The following NAF1 variants were observed in gnomAD, a reference collection of about 807,000 sequenced individuals.
NAF1 encodes nuclear assembly factor 1 ribonucleoprotein.
In NAF1, 11 loss-of-function variants were observed where a neutral mutation model predicts 40.6. The observed-to-expected ratio is 0.27, with a 90% CI of 0.17 to 0.45. The LOEUF is 0.45. Among genes scored for constraint, NAF1 ranks in the 20% least tolerant of loss-of-function variants. The pLI is 1.00. For missense variants in NAF1, 607 were observed against 611.1 expected, an observed-to-expected ratio of 0.99 and a Z score of 0.07; for synonymous variants, 260 against 228.5, an observed-to-expected ratio of 1.14 and a Z score of -1.24.
rs779066721 is a variant in NAF1, at chr4:163,129,108, G to C, written c.1274C>G (p.Pro425Arg). The C allele has an allele frequency of 1.8e-5, 29 of 1,612,696 alleles. No individual in the cohort carries two copies. The highest frequency in any genetic ancestry group is 2.4e-5 in the Non-Finnish European group (28 of 1,179,090). Residue 425 changes from proline to arginine, a missense_variant, in exon 8 of 8, where the codon CCT becomes CGT. Around this residue, in one of 3 missense-constraint regions of NAF1, gnomAD observed 189 missense variants for 216.6 expected, o/e 0.87. Coordinates refer to ENST00000274054, the MANE Select transcript of NAF1 (RefSeq NM_138386.3). ...NNPIMPQYPF[P>R]LPVFDMHNFP... is the part of the protein sequence containing the mutation. ...ATTATGCATGTCAAACACTGGAAGA[G>C]GAAAGGGGTATTGTGGCATAATGGG...
Position 163,164,249 on chromosome 4 carries a change from G to A in NAF1, c.508C>T (p.Pro170Ser), listed in dbSNP as rs1310346758. The A allele has an allele frequency of 6.4e-7, 1 of 1,566,952 alleles. No homozygotes were observed. Among genetic ancestry groups the A allele is most frequent in the Middle Eastern group, 1.7e-4 (1 of 5,956 alleles). Residue 170 changes from proline (P) to serine (S), a missense_variant, in exon 2 of 8, where the codon CCT (proline) becomes TCT (serine). Physicochemically the swap from Pro to Ser is moderately conservative, Grantham distance 74 (BLOSUM62 -1). Transcript: ENST00000274054. The part of the protein sequence containing the change: ...LQIEKENKNF[P>S]LKTKDELLLN... ...AGTAATTCATCTTTTGTTTTAAGAG[G>A]AAAATTCTTATTTTCCTTCTCAATT...
intron 2 of NAF1, among the ~76,000 whole-genome samples, chr4:163,161,570 T>C (rs1328911191): frequency 2.0e-5 from 3 of 152,026 alleles, no homozygotes; most frequent in African/African-American, 7.3e-5. Context: ...TGTGAGACTA[T>C]CCAGAGGCAT....
At chr4:163,125,957 T>A (rs1393328948), downstream of NAF1, among the ~76,000 whole-genome samples, 1 of 152,134 alleles carries the variant, frequency 6.6e-6, no homozygotes, top group Non-Finnish European at 1.5e-5. Flanking sequence ...ACTCTATAGA[T>A]AGAAAAACTA....
At chr4:163,106,315 C>T (rs1307931641), downstream of NAF1, among the ~76,000 whole-genome samples, 1 of 152,060 alleles carries the variant, frequency 6.6e-6, no homozygotes, top group Non-Finnish European at 1.5e-5. Flanking sequence ...GTTGCACTGA[C>T]CAATATGGTA....
rs1437637578 is a variant in NAF1, at chr4:163,140,394, A to G, written c.718-11T>C. 6.3e-7 allele frequency: 1 copy of G among 1,587,902 alleles called. No individual in the cohort carries two copies. The highest frequency in any genetic ancestry group is 2.3e-5 in the East Asian group (1 of 44,136). On this transcript the variant is annotated splice_polypyrimidine_tract_variant and intron_variant, in intron 4 of 7. Coordinates refer to ENST00000274054, the MANE Select transcript of NAF1 (RefSeq NM_138386.3). ...AAATATCTCGAATATCTGTAATAGA[A>G]ACATAAAGGCCTCTTTTAACATGTA...
At chr4:163,126,933 G>A, downstream of NAF1, 2 of 1,522,636 alleles carry the variant, frequency 1.3e-6, no homozygotes, top group Middle Eastern at 3.4e-4. Flanking sequence ...GAACAGTAAA[G>A]TATTCTCCAA....
intron 4 of NAF1, among the ~76,000 whole-genome samples, 200 bp from the exon 5 acceptor site, chr4:163,140,583 C>T (rs1445875366): frequency 1.3e-5 from 2 of 152,174 alleles, no homozygotes; most frequent in African/African-American, 4.8e-5. Context: ...AATGCACTCG[C>T]TCATTCCAGA....
At chr4:163,146,566 T>C (rs1448872948) in intron 3 of NAF1, among the ~76,000 whole-genome samples, 1 of 152,208 alleles carries the variant, frequency 6.6e-6, no homozygotes, top group African/African-American at 2.4e-5. Context: ...ATTACATAGA[T>C]AATACCATGT....
downstream of NAF1, among the ~76,000 whole-genome samples, chr4:163,127,302 G>GT (rs999198176): frequency 6.6e-6 from 1 of 151,924 alleles, no homozygotes; most frequent in Non-Finnish European, 1.5e-5. Flanking sequence ...GCTAATTTTT[G>GT]TATTTTTACT....
chr4:163,104,009 T>G, the NAF1 span, among the ~76,000 whole-genome samples: 1 of 141,168 alleles, frequency 7.1e-6, no homozygotes. Flanking sequence ...GAGATAGGGG[T>G]GGGGCTGTTT....
intron 2 of NAF1, among the ~76,000 whole-genome samples, chr4:163,153,276 T>C (rs1333346580): frequency 6.6e-6 from 1 of 152,184 alleles, no homozygotes; most frequent in African/African-American, 2.4e-5. Flanking sequence ...GCAGCCCCGG[T>C]GCAGTGCGGG....
rs578108759 is a variant in NAF1, at chr4:163,159,132, C to T, written c.540+5085G>A. 1.2e-4 allele frequency among the ~76,000 whole-genome samples: 19 copies of T among 152,116 alleles called. 1 individual carries two copies. The highest frequency in any genetic ancestry group is 4.3e-4 in the African/African-American group (18 of 41,514). On this transcript the variant is annotated intron_variant, in intron 2 of 7. Coordinates refer to ENST00000274054, the MANE Select transcript of NAF1 (RefSeq NM_138386.3). ...GTAATAATAATTATATATGTATATA[C>T]ACAGGACATAAATGGATACTCTACT...
chr4:163,142,093 C>T (rs1258199239), intron 4 of NAF1: 2 of 179,556 alleles, frequency 1.1e-5, no homozygotes, highest in African/African-American at 4.8e-5. Flanking sequence ...AATAGCAAGA[C>T]ATCTGCTTTG....
In NAF1 at chr4:163,148,384, C is replaced by T. The variant is rs772847731; in HGVS notation, c.591G>A (p.Glu197=). 1.3e-6 allele frequency: 2 copies of T among 1,582,938 alleles called. No individual in the cohort carries two copies. The highest frequency in any genetic ancestry group is 1.2e-5 in the South Asian group (1 of 84,718). Residue 197 remains glutamate (E), a synonymous_variant, in exon 3 of 8, where the codon GAG becomes GAA. Coordinates refer to ENST00000274054, the MANE Select transcript of NAF1 (RefSeq NM_138386.3). ...ELTIILPEDI[E]LKPLGMVSSI... Reference sequence around the variant, plus strand: ...TTGAAACCATCCCAAGAGGCTTTAACTCAATATCTTCAGGCAGAATAATAG... The same window carrying T: ...TTGAAACCATCCCAAGAGGCTTTAATTCAATATCTTCAGGCAGAATAATAG...
chr4:163,156,281 G>A (rs1731982420), intron 2 of NAF1, among the ~76,000 whole-genome samples: 2 of 120,122 alleles, frequency 1.7e-5, no homozygotes, highest in Admixed American at 8.9e-5. Flanking sequence ...AAAAATTGAA[G>A]GTAGAGGTGA....
At chr4:163,127,691 C>T (rs1384157638), downstream of NAF1, among the ~76,000 whole-genome samples, 1 of 151,854 alleles carries the variant, frequency 6.6e-6, no homozygotes, top group East Asian at 1.9e-4. Context: ...TAAGGTATAC[C>T]AAGGCAGAGC....
downstream of NAF1, among the ~76,000 whole-genome samples, chr4:163,108,010 T>C (rs1361808376): frequency 6.6e-6 from 1 of 152,220 alleles, no homozygotes; most frequent in African/African-American, 2.4e-5. Flanking sequence ...CTTTCAATAT[T>C]GCAGAACATT....
chr4:163,153,849 C>T (rs1168394891), intron 2 of NAF1, among the ~76,000 whole-genome samples: 4 of 152,238 alleles, frequency 2.6e-5, no homozygotes, highest in East Asian at 1.9e-4. Flanking sequence ...TTTGTTCTTT[C>T]GCTCTTTGCA....
chr4:163,115,677 C>G (rs1446526396), intron 2 of NAF1, among the ~76,000 whole-genome samples: 3 of 151,910 alleles, frequency 2.0e-5, no homozygotes, highest in Admixed American at 6.6e-5. Flanking sequence ...TTTTTTGTGA[C>G]TGGGCTGACA....
Sources: allele counts gnomAD v4.1 joint callset (sites outside exome capture counted in the v4.1 genomes callset), GRCh38; gene constraint gnomAD v4.1.1; regional missense constraint gnomAD v4.1.1; transcripts MANE v1.5; gene names NCBI Gene and HGNC (gene_info 2026-07-23, HGNC 2026-07-21).